Variants in PRG2 observed in about 807,000 individuals in gnomAD.
PRG2 encodes proteoglycan 2, pro eosinophil major basic protein.
Under a neutral mutation model 24.7 loss-of-function variants are expected in PRG2, and 23 were observed. The ratio of observed to expected loss-of-function variants is 0.93; its 90% CI spans 0.67 to 1.32. The LOEUF (loss-of-function observed/expected upper bound fraction) is 1.32, where lower values mean the gene tolerates loss of function less well. PRG2 is among the 40% of genes most tolerant of loss of function. The pLI, the probability that PRG2 is intolerant of heterozygous loss-of-function variation, is 0.00. For missense variants in PRG2, 271 were observed against 280.9 expected, an observed-to-expected ratio of 0.96 and a Z score of 0.25; for synonymous variants, 104 against 99.8, an observed-to-expected ratio of 1.04 and a Z score of -0.25.
chr11:57,389,985 A>G, intron 1 of PRG2, 29 bp from the exon 2 acceptor site: 2 of 1,517,280 alleles, frequency 1.3e-6, no homozygotes, highest in Non-Finnish European at 9.1e-7. Flanking sequence ...TTTGTCATTG[A>G]CACACACAGA....
rs1475304917 is a variant in PRG2, at chr11:57,389,935, G to A, written c.10C>T (p.Pro4Ser). The A allele has an allele frequency of 6.2e-7, 1 of 1,612,286 alleles. No individual in the cohort carries two copies. The highest frequency in any genetic ancestry group is 8.5e-7 in the Non-Finnish European group (1 of 1,178,840). MKL[P>S]LLLALLFGAV... is the part of the protein sequence containing the mutation. ...CCAAATAGAAGAGCCAGAAGTAAGG[G>A]GAGTTTCATCTTGGCTTTATCCTGC... Residue 4 changes from proline (P) to serine (S), a missense_variant, in exon 2 of 6, where the codon CCC becomes TCC. Physicochemically the swap from Pro to Ser is moderately conservative, Grantham distance 74. Coordinates refer to ENST00000311862, the MANE Select transcript of PRG2 (RefSeq NM_002728.6).
At position 57,387,820 on chromosome 11, in the gene PRG2, A is replaced by T. The variant is rs1469937885; in HGVS notation, c.544T>A (p.Phe182Ile). 1.3e-6 allele frequency: 2 copies of T among 1,584,246 alleles called. No individual in the cohort carries two copies. The highest frequency in any genetic ancestry group is 1.7e-6 in the Non-Finnish European group (2 of 1,165,556). Reference sequence around the variant, plus strand: ...GGCTGGTGAGCAGCCCAGTATGCAAAGTTCCAGCGGCTGCCGTCAACCCAC... The same window carrying T: ...GGCTGGTGAGCAGCCCAGTATGCAATGTTCCAGCGGCTGCCGTCAACCCAC... ...FQWVDGSRWN[F>I]AYWAAHQPWS... Residue 182 changes from phenylalanine to isoleucine, a missense_variant, in exon 5 of 6, where the codon TTT becomes ATT. Transcript: ENST00000311862.
Position 57,387,821 on chromosome 11 carries a change from G to A in PRG2, c.543C>T (p.Asn181=), listed in dbSNP as rs749983261. The A allele has an allele frequency of 1.5e-5, 24 of 1,583,666 alleles. No homozygotes were observed. In the South Asian group the frequency reaches 2.5e-4, roughly 17 times the overall value. ...GCTGGTGAGCAGCCCAGTATGCAAA[G>A]TTCCAGCGGCTGCCGTCAACCCACT... ...RFQWVDGSRW[N]FAYWAAHQPW... Residue 181 remains asparagine, a synonymous_variant, in exon 5 of 6, where the codon AAC becomes AAT. Transcript: ENST00000311862.
chr11:57,388,573 T>C lies in PRG2; in HGVS notation c.498+4A>G. 2 of 1,613,886 alleles carry C rather than the reference T, an allele frequency of 1.2e-6. No homozygotes were observed. Among genetic ancestry groups the C allele is most frequent in the South Asian group, 1.1e-5 (1 of 91,072 alleles). ...ACCCCATTTAGTGTTCACACTTCTC[T>C]TACCGAGCCTGTGATCCTGCCTCCA... is the stretch of plus-strand genomic sequence containing the variant. On this transcript the variant is annotated splice_donor_region_variant and intron_variant, in intron 4 of 5. Transcript: ENST00000311862.
chr11:57,388,211 G>A (rs1565083407), intron 4 of PRG2, among the ~76,000 whole-genome samples: 1 of 151,658 alleles, frequency 6.6e-6, no homozygotes, highest in Non-Finnish European at 1.5e-5. Flanking sequence ...TTTCGCTCTT[G>A]TTGCCCAGGC....
chr11:57,389,735 A>G, intron 2 of PRG2, 152 bp downstream of exon 2: 1 of 692,438 alleles, frequency 1.4e-6, no homozygotes, highest in Non-Finnish European at 2.4e-6. Flanking sequence ...AATCCTTTCA[A>G]CTCCTGGCCA....
intron 2 of PRG2, 134 bp from the exon 3 acceptor site, chr11:57,389,451 T>G: frequency 1.9e-6 from 2 of 1,028,920 alleles, no homozygotes; most frequent in Non-Finnish European, 2.8e-6. Context: ...TGGAACCCAG[T>G]CTCTATGAGG....
Position 57,387,400 on chromosome 11 carries a change from G to T in PRG2, c.*75C>A. 1 of 1,294,450 alleles carries T rather than the reference G, an allele frequency of 7.7e-7. No individual in the cohort carries two copies. The highest frequency in any genetic ancestry group is 1.1e-6 in the Non-Finnish European group (1 of 913,078). 80.2% of individuals were successfully genotyped at this position (1,294,450 alleles called of 1,614,324 possible). A position where few individuals can be genotyped will look rare whatever the true frequency, so the allele number is the denominator to read the frequency against. On this transcript the variant is annotated 3_prime_UTR_variant, in exon 6 of 6. Coordinates refer to ENST00000311862, the MANE Select transcript of PRG2 (RefSeq NM_002728.6). ...ACCCATTTTATTGCAGGGAGGTGGAGGGAGGGATGGCAAGCAGAGGAGGGG... is the reference window on the plus strand; with the variant it reads ...ACCCATTTTATTGCAGGGAGGTGGATGGAGGGATGGCAAGCAGAGGAGGGG...
At chr11:57,389,821 C>G (rs1294606986) in intron 2 of PRG2, 66 bp downstream of exon 2, 4 of 1,427,100 alleles carry the variant, frequency 2.8e-6, no homozygotes, top group Non-Finnish European at 3.9e-6. Context: ...GTGTGTAACT[C>G]TGACCCCATC....
chr11:57,387,529 G>T lies in PRG2; in HGVS notation c.615C>A (p.Gly205=). ...TGAGGCAGTGGGCTCGACGCCAGTG[G>T]CCTCCTGTGAAGGCAGAACAGAAAG... The part of the protein sequence containing the change: ...GHCVALCTRG[G]HWRRAHCLRR... The change falls in exon 6 of 6, where the codon GGC becomes GGA. Residue 205 remains glycine, a synonymous_variant. Transcript: ENST00000311862. The T allele has an allele frequency of 6.2e-7, 1 of 1,613,416 alleles. No homozygotes were observed.
rs750384400 is a variant in PRG2 at position 57,388,577 on chromosome 11, C to T, written c.498G>A (p.Ser166=). ...QVWIGGRITG[S]GRCRRFQWVD... Reference sequence around the variant, plus strand: ...CATTTAGTGTTCACACTTCTCTTACCGAGCCTGTGATCCTGCCTCCAATCC... The same window carrying T: ...CATTTAGTGTTCACACTTCTCTTACTGAGCCTGTGATCCTGCCTCCAATCC... Residue 166 remains serine, a splice_region_variant and synonymous_variant, in exon 4 of 6, where the codon TCG becomes TCA. Transcript: ENST00000311862. 17 of 1,613,684 alleles carry T rather than the reference C, an allele frequency of 1.1e-5. No individual in the cohort carries two copies. Among genetic ancestry groups the T allele is most frequent in the Non-Finnish European group, 1.3e-5 (15 of 1,179,790 alleles).
At position 57,389,742 on chromosome 11, in the gene PRG2, G is replaced by A. The variant is rs192944597; in HGVS notation, c.58+145C>T. The A allele has an allele frequency of 1.4e-5, 10 of 716,640 alleles. No individual in the cohort carries two copies. The East Asian group carries it at 2.7e-4, about 20-fold the overall frequency. The allele number at this position is 716,640 out of a possible 1,614,324, so 44.4% of individuals were successfully genotyped here. ...CCTTGAGAAATCCTTTCAACTCCTG[G>A]CCATAGAGTCCCCATCCCTTTAAGC... On this transcript the variant is annotated intron_variant, in intron 2 of 5. Coordinates refer to ENST00000311862, the MANE Select transcript of PRG2 (RefSeq NM_002728.6).
rs1857138168 is a variant in PRG2, at chr11:57,390,636, C to G, written c.-53G>C. The G allele has an allele frequency of 1.0e-6, 1 of 985,372 alleles. No individual in the cohort carries two copies. Among genetic ancestry groups the G allele is most frequent in the African/African-American group, 1.7e-5 (1 of 57,242 alleles). The allele number at this position is 985,372 out of a possible 1,614,324, so 61.0% of individuals were successfully genotyped here. ...CCTGGGTCTTTAGATCTTCCCAAAG[C>G]CCAGGTCCTTCTTTGCTTCCTCTCA... On this transcript the variant is annotated 5_prime_UTR_variant, in exon 1 of 6. Coordinates refer to ENST00000311862, the MANE Select transcript of PRG2 (RefSeq NM_002728.6).
Position 57,389,933 on chromosome 11 carries a change from G to A in PRG2, c.12C>T (p.Pro4=), listed in dbSNP as rs756948426. The A allele has an allele frequency of 1.1e-5, 17 of 1,612,208 alleles. No individual in the cohort carries two copies. The highest frequency in any genetic ancestry group is 2.7e-5 in the African/African-American group (2 of 74,886). Reference sequence around the variant, plus strand: ...CCCCAAATAGAAGAGCCAGAAGTAAGGGGAGTTTCATCTTGGCTTTATCCT... The same window carrying A: ...CCCCAAATAGAAGAGCCAGAAGTAAAGGGAGTTTCATCTTGGCTTTATCCT... MKL[P]LLLALLFGAV... The change falls in exon 2 of 6, where the codon CCC becomes CCT. Residue 4 remains proline, a synonymous_variant. Transcript: ENST00000311862.
Position 57,389,176 on chromosome 11 carries a change from G to A in PRG2, c.200C>T (p.Ala67Val), listed in dbSNP as rs767830776. The change falls in exon 3 of 6, where the codon GCC becomes GTC. Residue 67 changes from alanine to valine, a missense_variant. Physicochemically the swap from Ala to Val is moderately conservative, Grantham distance 64 (BLOSUM62 0). Coordinates refer to ENST00000311862, the MANE Select transcript of PRG2 (RefSeq NM_002728.6). ...CTCAACAGCCCCATCTTTCTTGGAG[G>A]CATCTTCACTTCCAGAGCCCCACTC... The part of the protein sequence containing the change: ...EEEWGSGSED[A>V]SKKDGAVESI... 1 of 1,614,152 alleles carries A rather than the reference G, an allele frequency of 6.2e-7. No homozygotes were observed. The highest frequency in any genetic ancestry group is 1.1e-5 in the South Asian group (1 of 91,078).
Position 57,388,663 on chromosome 11 carries a change from T to A in PRG2, c.412A>T (p.Asn138Tyr), listed in dbSNP as rs1249636746. The change falls in exon 4 of 6, where the codon AAC (asparagine) becomes TAC (tyrosine). Residue 138 changes from asparagine to tyrosine, a missense_variant. Asn to Tyr is a moderately radical substitution (Grantham distance 143). Transcript: ENST00000311862. ...CYRGNLVSIH[N>Y]FNINYRIQCS... ...TGGATTCGATAATTAATATTGAAGT[T>A]GTGGATGGAAACCAGGTTGCCCCTG... 1 of 1,614,046 alleles carries A rather than the reference T, an allele frequency of 6.2e-7. No homozygotes were observed. Among genetic ancestry groups the A allele is most frequent in the East Asian group, 2.2e-5 (1 of 44,884 alleles).
At chr11:57,388,025 A>T (rs1285111117) in intron 4 of PRG2, among the ~76,000 whole-genome samples, 160 bp from the exon 5 acceptor site, 2 of 152,206 alleles carry the variant, frequency 1.3e-5, no homozygotes, top group African/African-American at 4.8e-5. Context: ...ATGCTGATCC[A>T]CGGCAATTAT....
In PRG2 at chr11:57,387,478, G is replaced by A. The variant is rs763059904; in HGVS notation, c.666C>T (p.Tyr222=). ...TGAACTGCTGGCTGGGACCAGCTCAGTAGGAACAGATGAAAGGAAGTCTTC... is the reference window on the plus strand; with the variant it reads ...TGAACTGCTGGCTGGGACCAGCTCAATAGGAACAGATGAAAGGAAGTCTTC... The part of the protein sequence containing the change: ...CLRRLPFICS[Y] Residue 222 remains tyrosine (Y), a synonymous_variant, in exon 6 of 6, where the codon TAC becomes TAT. Transcript: ENST00000311862. The A allele has an allele frequency of 2.0e-5, 32 of 1,613,920 alleles. 1 individual carries two copies. The South Asian group carries it at 3.5e-4, about 18-fold the overall frequency.
chr11:57,387,657 C>A, intron 5 of PRG2, 97 bp downstream of exon 5: 8 of 1,376,578 alleles, frequency 5.8e-6, no homozygotes, highest in Non-Finnish European at 7.9e-6. Context: ...CCCAGGAAGC[C>A]TCTCCCACAA....
Sources: gnomAD v4.1 joint callset for allele counts (sites outside exome capture counted in the v4.1 genomes callset) on GRCh38, gnomAD v4.1.1 for gene constraint, MANE v1.5 for transcripts, NCBI Gene and HGNC (gene_info 2026-07-23, HGNC 2026-07-21) for gene names.